Variants in PHC2 observed in about 807,000 individuals in gnomAD.
The protein encoded by PHC2 is polyhomeotic homolog 2.
In PHC2, 29 loss-of-function variants were observed where a neutral mutation model predicts 87.4. That is an observed-to-expected ratio of 0.33 (90% CI 0.25 to 0.45). The LOEUF is 0.45. PHC2 is among the 20% of genes least tolerant of loss of function. The pLI is 1.00. For synonymous variants in PHC2, 438 were observed against 461.7 expected (o/e 0.95, Z 0.66); for missense variants, 857 against 1,136.7 (o/e 0.75, Z 3.54).
chr1:33,337,967 A>G (rs1232765159), intron 9 of PHC2, among the ~76,000 whole-genome samples: 2 of 152,222 alleles, frequency 1.3e-5, no homozygotes, highest in African/African-American at 4.8e-5. Context: ...GAATTCTTCC[A>G]TGGAATTAAT....
intron 9 of PHC2, chr1:33,345,568 C>T (rs1194393426): frequency 5.1e-6 from 5 of 985,226 alleles, no homozygotes; most frequent in Non-Finnish European, 4.8e-6. Context: ...AATCTCAGAG[C>T]AACGGTTTAT....
chr1:33,352,028 G>A (rs1457759226), intron 9 of PHC2, among the ~76,000 whole-genome samples: 1 of 150,402 alleles, frequency 6.6e-6, no homozygotes, highest in Non-Finnish European at 1.5e-5. Flanking sequence ...TTTCCACTGT[G>A]TAAAGCTTAC....
At chr1:33,367,562 G>A in intron 6 of PHC2, 134 bp from the exon 7 acceptor site, 1 of 725,334 alleles carries the variant, frequency 1.4e-6, no homozygotes, top group Non-Finnish European at 2.2e-6. Flanking sequence ...GAGAGAGAAT[G>A]TGTTAGGGGC....
chr1:33,354,812 C>T (rs1570476695), intron 8 of PHC2, 26 bp downstream of exon 8: 1 of 1,604,696 alleles, frequency 6.2e-7, no homozygotes, highest in Non-Finnish European at 8.5e-7. Context: ...CGTGTGCTCC[C>T]TGGACCTTGG....
In PHC2 at chr1:33,368,445, T is replaced by C. The variant is rs1647614238; in HGVS notation, c.663+91A>G. 1.5e-6 allele frequency: 1 copy of C among 686,852 alleles called. No homozygotes were observed. Among genetic ancestry groups the C allele is most frequent in the Non-Finnish European group, 2.4e-6 (1 of 410,736 alleles). 42.5% of individuals were successfully genotyped at this position (686,852 alleles called of 1,614,324 possible). ...GTCTCCCGCCTGCTTTCCTAGCTGA[T>C]CCCGGCCTCTCCTTGTGCCCCTCCC... is the stretch of plus-strand genomic sequence containing the variant. On this transcript the variant is annotated intron_variant, in intron 6 of 14. Transcript: ENST00000683057. This position sits in a 1 kb window ranked among gnomAD's most constrained non-coding sequence, Gnocchi z 6.6.
intron 10 of PHC2, 186 bp downstream of exon 10, chr1:33,333,904 C>G: frequency 1.7e-6 from 1 of 592,874 alleles, no homozygotes; most frequent in Non-Finnish European, 2.9e-6. Context: ...ATCACTGACC[C>G]CCCTCTTCTG....
At chr1:33,393,251 C>T (rs536170223) in intron 1 of PHC2, among the ~76,000 whole-genome samples, 4 of 152,234 alleles carry the variant, frequency 2.6e-5, no homozygotes, top group African/African-American at 4.8e-5. Context: ...GCTGCATGCT[C>T]AGTAGTTGTC....
rs765072943 is a variant in PHC2, at chr1:33,372,331, G to A, written c.291C>T (p.His97=). The A allele has an allele frequency of 4.4e-6, 7 of 1,602,322 alleles. No homozygotes were observed. The highest frequency in any genetic ancestry group is 5.1e-6 in the Non-Finnish European group (6 of 1,172,770). ...GGCTCTGGAGCTGGGCGCTGCTGAG[G>A]TGCTGCTGCTGGAGCGCCGCGGTCT... is the stretch of plus-strand genomic sequence containing the variant. ...MLQTAALQQQ[H]LSSAQLQSLA... is the part of the protein sequence containing the mutation. Residue 97 remains histidine (H), a synonymous_variant, in exon 3 of 15, where the codon CAC becomes CAT. Coordinates refer to ENST00000683057, the MANE Select transcript of PHC2 (RefSeq NM_001385109.1).
At chr1:33,405,024 G>T (rs998518518) in intron 1 of PHC2, among the ~76,000 whole-genome samples, 2 of 152,106 alleles carry the variant, frequency 1.3e-5, no homozygotes, top group Non-Finnish European at 2.9e-5. Flanking sequence ...ATGAGACAGG[G>T]CTTTGTTTAC....
At position 33,330,346 on chromosome 1, in the gene PHC2, T is replaced by G. The variant is rs1295466696; in HGVS notation, c.2007-134A>C. ...TTCAGATCCTAACTCCATCACTAAC[T>G]ACTAGCTGTGTGACTTTGGGTTTAA... On this transcript the variant is annotated intron_variant, in intron 12 of 14. Transcript: ENST00000683057. The G allele has an allele frequency of 4.5e-6, 4 of 889,498 alleles. No individual in the cohort carries two copies. The East Asian group carries it at 7.5e-5, about 17-fold the overall frequency. The allele number at this position is 889,498 out of a possible 1,614,324, so 55.1% of individuals were successfully genotyped here.
chr1:33,368,108 C>T lies in PHC2; in HGVS notation c.663+428G>A, dbSNP rs573695606. ...CTTCCCAGCCACGGTAGTATCTGTGCGCTCCTAGCAGAGCAGGACACGTCT... is the reference window on the plus strand; with the variant it reads ...CTTCCCAGCCACGGTAGTATCTGTGTGCTCCTAGCAGAGCAGGACACGTCT... On this transcript the variant is annotated intron_variant, in intron 6 of 14. Coordinates refer to ENST00000683057, the MANE Select transcript of PHC2 (RefSeq NM_001385109.1). The surrounding 1 kb of genome is among the most constrained non-coding windows in gnomAD (Gnocchi z 6.6). Among the ~76,000 whole-genome samples the T allele has an allele frequency of 3.3e-5, 5 of 152,196 alleles. No homozygotes were observed. The highest frequency in any genetic ancestry group is 4.4e-5 in the Non-Finnish European group (3 of 68,032).
At position 33,364,701 on chromosome 1, in the gene PHC2, T is replaced by A. The variant is rs999143062; in HGVS notation, c.976+2415A>T. On this transcript the variant is annotated intron_variant, in intron 7 of 14. Coordinates refer to ENST00000683057, the MANE Select transcript of PHC2 (RefSeq NM_001385109.1). This position sits in a 1 kb window ranked among gnomAD's most constrained non-coding sequence, Gnocchi z 4.1. ...CTCTGGGCTTACAGAGAGGAAGGGG[T>A]GGGAGAGAGGAAGAATGAACAGGAT... is the stretch of plus-strand genomic sequence containing the variant. 2.7e-5 allele frequency among the ~76,000 whole-genome samples: 4 copies of A among 150,822 alleles called. No individual in the cohort carries two copies. Among genetic ancestry groups the A allele is most frequent in the Non-Finnish European group, 1.5e-5 (1 of 67,716 alleles).
intron 1 of PHC2, among the ~76,000 whole-genome samples, chr1:33,378,204 C>T (rs1476675279): frequency 1.3e-5 from 2 of 152,090 alleles, no homozygotes; most frequent in Non-Finnish European, 2.9e-5. Flanking sequence ...TATGTCTTGG[C>T]GCTGTCAAAA....
chr1:33,365,900 G>C (rs759639420), intron 7 of PHC2, among the ~76,000 whole-genome samples: 2 of 152,188 alleles, frequency 1.3e-5, no homozygotes, highest in African/African-American at 2.4e-5. Flanking sequence ...TGCTCGTGCC[G>C]CAAGGCTCAT....
intron 14 of PHC2, among the ~76,000 whole-genome samples, chr1:33,328,089 T>C (rs1341041125): frequency 2.0e-5 from 3 of 152,222 alleles, no homozygotes; most frequent in African/African-American, 7.2e-5. Context: ...TTACCATGAA[T>C]ACCTGACCTG....
At chr1:33,336,149 C>T (rs1205875996) in intron 9 of PHC2, among the ~76,000 whole-genome samples, 5 of 151,902 alleles carry the variant, frequency 3.3e-5, no homozygotes, top group Admixed American at 1.3e-4. Flanking sequence ...CCACCATACC[C>T]GGCTAATTTT....
At chr1:33,430,277 A>AG (rs1369777374) in intron 1 of PHC2, among the ~76,000 whole-genome samples, 3 of 152,146 alleles carry the variant, frequency 2.0e-5, no homozygotes, top group African/African-American at 7.2e-5. Flanking sequence ...AGCACAGAAA[A>AG]CAAGGGACCA....
Position 33,368,599 on chromosome 1 carries a change from G to A in PHC2, c.600C>T (p.Thr200=), listed in dbSNP as rs767720953. 1.3e-6 allele frequency: 2 copies of A among 1,551,168 alleles called. No homozygotes were observed. The highest frequency in any genetic ancestry group is 1.7e-6 in the Non-Finnish European group (2 of 1,146,738). Reference sequence around the variant, plus strand: ...CGAGCTCAGGCTGCACAGTAGCGACGGTGGCCGTGGGCGTGAAGATGAGCT... The same window carrying A: ...CGAGCTCAGGCTGCACAGTAGCGACAGTGGCCGTGGGCGTGAAGATGAGCT... ...AQMLIFTPTA[T]VATVQPELGT... is the part of the protein sequence containing the mutation. The change falls in exon 6 of 15, where the codon ACC becomes ACT. Residue 200 remains threonine, a synonymous_variant. Coordinates refer to ENST00000683057, the MANE Select transcript of PHC2 (RefSeq NM_001385109.1). This position sits in a 1 kb window ranked among gnomAD's most constrained non-coding sequence, Gnocchi z 6.6.
intron 9 of PHC2, among the ~76,000 whole-genome samples, chr1:33,339,459 A>C (rs1267911375): frequency 6.6e-6 from 1 of 152,010 alleles, no homozygotes; most frequent in Non-Finnish European, 1.5e-5. Context: ...TTTTTGGCCC[A>C]TGTCTTCCTG....
Sources: gnomAD v4.1 joint callset for allele counts (sites outside exome capture counted in the v4.1 genomes callset) on GRCh38, gnomAD v4.1.1 for gene constraint, Gnocchi (gnomAD v3.1) non-coding constraint, MANE v1.5 for transcripts, NCBI Gene and HGNC (gene_info 2026-07-23, HGNC 2026-07-21) for gene names.